The following WDR26 variants were observed in gnomAD, a reference collection of about 807,000 sequenced individuals.
WDR26 encodes WD repeat-containing protein 26.
A neutral mutation model predicts 84.1 loss-of-function variants in WDR26; 5 were observed. The observed-to-expected ratio is 0.06, with a 90% CI of 0.03 to 0.13. WDR26 has a LOEUF of 0.13. WDR26 is among the 10% of genes least tolerant of loss of function. WDR26 has a pLI of 1.00. For missense variants in WDR26, 642 were observed against 974.9 expected, an observed-to-expected ratio of 0.66 and a Z score of 4.55; for synonymous variants, 415 against 389.6, an observed-to-expected ratio of 1.07 and a Z score of -0.77.
At position 224,422,765 on chromosome 1, in the gene WDR26, G is replaced by A. The variant is rs555712349; in HGVS notation, c.1064+1753C>T. Among the ~76,000 whole-genome samples the A allele has an allele frequency of 3.3e-5, 5 of 152,158 alleles. No individual in the cohort carries two copies. The East Asian group carries it at 9.6e-4, about 29-fold the overall frequency. On this transcript the variant is annotated intron_variant, in intron 4 of 13. Transcript: ENST00000414423. Reference sequence around the variant, plus strand: ...GAGTGAAGACAATGTAACTAGGTGGGAAGCTACTATAATATTCTAGGAGAG... The same window carrying A: ...GAGTGAAGACAATGTAACTAGGTGGAAAGCTACTATAATATTCTAGGAGAG...
At chr1:224,390,815 C>T (rs1265491263) in intron 13 of WDR26, among the ~76,000 whole-genome samples, 1 of 152,056 alleles carries the variant, frequency 6.6e-6, no homozygotes, top group Non-Finnish European at 1.5e-5. Context: ...AGTGTAAAAT[C>T]AATGGTTTTT....
Position 224,389,866 on chromosome 1 carries a change from T to C in WDR26, c.2261-6A>G. The C allele has an allele frequency of 7.1e-7, 1 of 1,399,838 alleles. No individual in the cohort carries two copies. Among genetic ancestry groups the C allele is most frequent in the Non-Finnish European group, 9.3e-7 (1 of 1,077,066 alleles). 86.7% of individuals were successfully genotyped at this position (1,399,838 alleles called of 1,614,324 possible). A position where few individuals can be genotyped will look rare whatever the true frequency, so the allele number is the denominator to read the frequency against. ...ATCCATGCTACTGCATTCCTCTGAA[T>C]GAAGACAAGATGAAATGTATGGGGG... is the stretch of plus-strand genomic sequence containing the variant. On this transcript the variant is annotated splice_region_variant and splice_polypyrimidine_tract_variant and intron_variant, in intron 13 of 13. Coordinates refer to ENST00000414423, the MANE Select transcript of WDR26 (RefSeq NM_001379403.1).
chr1:224,392,211 A>G (rs1298064806), intron 13 of WDR26, among the ~76,000 whole-genome samples: 1 of 152,008 alleles, frequency 6.6e-6, no homozygotes. Flanking sequence ...AATACAAAAA[A>G]TTAGCTGGGC....
intron 4 of WDR26, among the ~76,000 whole-genome samples, chr1:224,422,093 T>C (rs1674081093): frequency 6.6e-6 from 1 of 152,104 alleles, no homozygotes; most frequent in South Asian, 2.1e-4. Context: ...GAATACCCAG[T>C]GGGTAATCTT....
chr1:224,401,690 GAAAAA>G (rs67543360), intron 8 of WDR26, among the ~76,000 whole-genome samples: 1 of 84,050 alleles, frequency 1.2e-5, no homozygotes, highest in African/African-American at 4.4e-5. Flanking sequence ...AAAAAAAAAA[GAAAAA>G]AAAAAAGAAA....
intron 6 of WDR26, chr1:224,413,205 A>T: frequency 2.4e-6 from 2 of 821,250 alleles, no homozygotes; most frequent in Non-Finnish European, 3.1e-6. Context: ...ACAACAACAA[A>T]AACCCCCCCC....
chr1:224,399,052 A>G lies in WDR26; in HGVS notation c.1720-18T>C, dbSNP rs745513515. 2 of 1,503,298 alleles carry G rather than the reference A, an allele frequency of 1.3e-6. No homozygotes were observed. The highest frequency in any genetic ancestry group is 1.8e-6 in the Non-Finnish European group (2 of 1,132,360). The allele number at this position is 1,503,298 out of a possible 1,614,324, so 93.1% of individuals were successfully genotyped here. On this transcript the variant is annotated intron_variant, in intron 9 of 13. Coordinates refer to ENST00000414423, the MANE Select transcript of WDR26 (RefSeq NM_001379403.1). ...TCTAAGTCCTGAGTAAGAAAAAACT[A>G]CTATTAACTTCATTACTCAACAGCA...
intron 5 of WDR26, among the ~76,000 whole-genome samples, chr1:224,418,651 T>C (rs567446134): frequency 6.6e-6 from 1 of 152,136 alleles, no homozygotes; most frequent in Non-Finnish European, 1.5e-5. Flanking sequence ...ATATGTGGAT[T>C]TTCTAGGGGC....
intron 6 of WDR26, chr1:224,413,208 C>CTT: frequency 1.5e-6 from 1 of 650,914 alleles, no homozygotes; most frequent in Non-Finnish European, 2.0e-6. Flanking sequence ...ACAACAAAAA[C>CTT]CCCCCCCCCC....
Position 224,418,425 on chromosome 1 carries a change from G to A in WDR26, c.1163-9C>T, listed in dbSNP as rs1673967967. On this transcript the variant is annotated splice_polypyrimidine_tract_variant and intron_variant, in intron 5 of 13. Transcript: ENST00000414423. The stretch of plus-strand genomic sequence containing the variant: ...TGATGGTGGTAAATAGGCTTTAATA[G>A]AAGATATTTTAAAAAAGAGAAATAA... 1 of 1,581,782 alleles carries A rather than the reference G, an allele frequency of 6.3e-7. No individual in the cohort carries two copies. Among genetic ancestry groups the A allele is most frequent in the Non-Finnish European group, 8.5e-7 (1 of 1,169,694 alleles).
chr1:224,404,213 GA>G (rs1673493447), intron 8 of WDR26, among the ~76,000 whole-genome samples: 1 of 152,114 alleles, frequency 6.6e-6, no homozygotes, highest in Non-Finnish European at 1.5e-5. Flanking sequence ...CAAACATCCT[GA>G]AAACACTTAC....
At chr1:224,426,735 T>A (rs781412639) in intron 3 of WDR26, among the ~76,000 whole-genome samples, 1 of 151,922 alleles carries the variant, frequency 6.6e-6, no homozygotes, top group African/African-American at 2.4e-5. Context: ...CGCACCATTT[T>A]AGCTTCTGAA....
At chr1:224,401,581 C>T (rs193126420) in intron 8 of WDR26, among the ~76,000 whole-genome samples, 9 of 137,698 alleles carry the variant, frequency 6.5e-5, no homozygotes, top group African/African-American at 2.5e-4. Flanking sequence ...GGCTTAGGCA[C>T]GAGAATCACT....
At chr1:224,395,028 G>GA in intron 12 of WDR26, among the ~76,000 whole-genome samples, 1 of 152,150 alleles carries the variant, frequency 6.6e-6, no homozygotes, top group South Asian at 2.1e-4. Flanking sequence ...TGTAATAAAC[G>GA]AATCTTCAAA....
chr1:224,424,363 G>A (rs1674151830), intron 4 of WDR26, among the ~76,000 whole-genome samples, 155 bp downstream of exon 4: 2 of 152,064 alleles, frequency 1.3e-5, no homozygotes, highest in African/African-American at 4.8e-5. Context: ...CAGTTTCCTA[G>A]AATGACCAAA....
At chr1:224,409,678 T>C (rs1186063256) in intron 7 of WDR26, among the ~76,000 whole-genome samples, 1 of 151,768 alleles carries the variant, frequency 6.6e-6, no homozygotes, top group Non-Finnish European at 1.5e-5. Flanking sequence ...CTGGCCAACA[T>C]GGTGAAACCC....
At chr1:224,431,374 C>A in intron 3 of WDR26, 103 bp downstream of exon 3, 1 of 951,658 alleles carries the variant, frequency 1.1e-6, no homozygotes, top group Non-Finnish European at 1.6e-6. Flanking sequence ...TGAAATTTAA[C>A]TACTTTTAGG....
rs745525173 is a variant in WDR26, at chr1:224,431,794, T to C, written c.723-13A>G. On this transcript the variant is annotated splice_polypyrimidine_tract_variant and intron_variant, in intron 1 of 13. Transcript: ENST00000414423. ...ATCAACAGTCTGGCTGCAGGAAAGA[T>C]ACAGTGTAAAACAGACCTGACCAAT... 6.2e-6 allele frequency: 10 copies of C among 1,603,208 alleles called. No homozygotes were observed. Among genetic ancestry groups the C allele is most frequent in the Admixed American group, 1.7e-5 (1 of 59,498 alleles).
intron 12 of WDR26, 173 bp downstream of exon 12, chr1:224,397,924 T>G (rs1023110532): frequency 1.4e-6 from 1 of 716,708 alleles, no homozygotes; most frequent in Middle Eastern, 4.0e-4. Context: ...ATGTGACAAT[T>G]TGTGATAATA....
Sources: allele counts gnomAD v4.1 joint callset (sites outside exome capture counted in the v4.1 genomes callset), GRCh38; gene constraint gnomAD v4.1.1; transcripts MANE v1.5; gene names NCBI Gene and HGNC (gene_info 2026-07-23, HGNC 2026-07-21).